Variants in DPYD observed in about 807,000 individuals in gnomAD.
DPYD encodes dihydropyrimidine dehydrogenase.
Under a neutral mutation model 116.2 loss-of-function variants are expected in DPYD, and 109 were observed. The observed-to-expected ratio is 0.94, with a 90% CI of 0.80 to 1.10. DPYD has a LOEUF of 1.10. DPYD is among the 50% of genes least tolerant of loss of function. The pLI, the probability that DPYD is intolerant of heterozygous loss-of-function variation, is 0.00. For missense variants in DPYD, 1,302 were observed against 1,254.5 expected, an observed-to-expected ratio of 1.04 and a Z score of -0.57; for synonymous variants, 440 against 432.0, an observed-to-expected ratio of 1.02 and a Z score of -0.23.
At chr1:97,643,793 T>C (rs1252136491) in intron 8 of DPYD, among the ~76,000 whole-genome samples, 1 of 152,158 alleles carries the variant, frequency 6.6e-6, no homozygotes, top group Non-Finnish European at 1.5e-5. Context: ...GGGACATGGA[T>C]GAAGCTGGAA....
At position 97,216,290 on chromosome 1, in the gene DPYD, A is replaced by ATG. The variant is rs886769929; in HGVS notation, c.2442+18561_2442+18562insCA. ...TAGTTTGAGAGAGCCAAGCTTTCGA[A>ATG]TTTTTTTTTTATTAATACTCAGATA... On this transcript the variant is annotated intron_variant, in intron 19 of 22. Transcript: ENST00000370192. Among the ~76,000 whole-genome samples, 86 of 63,842 alleles carry ATG rather than the reference A, an allele frequency of 1.3e-3. No individual in the cohort carries two copies. The East Asian group carries it at 0.023, about 17-fold the overall frequency. The allele number at this position is 63,842 out of a possible 152,430, so 41.9% of individuals were successfully genotyped here. A position where few individuals can be genotyped will look rare whatever the true frequency, so the allele number is the denominator to read the frequency against.
chr1:97,332,430 T>G (rs1243725177), intron 16 of DPYD, among the ~76,000 whole-genome samples: 2 of 152,214 alleles, frequency 1.3e-5, no homozygotes, highest in African/African-American at 4.8e-5. Context: ...GTAGTAATAT[T>G]AAAGTAGAAC....
At chr1:97,128,509 C>A (rs970006806) in intron 20 of DPYD, among the ~76,000 whole-genome samples, 1 of 152,154 alleles carries the variant, frequency 6.6e-6, no homozygotes. Context: ...CTTTAGTATA[C>A]CCTTATAATA....
chr1:97,882,024 G>GA (rs887342683), intron 2 of DPYD, among the ~76,000 whole-genome samples: 26 of 150,774 alleles, frequency 1.7e-4, no homozygotes, highest in Admixed American at 1.2e-3. Flanking sequence ...ATAAAAAAAA[G>GA]AAAAAAAACT....
chr1:97,843,588 T>C (rs2101541355), intron 2 of DPYD, among the ~76,000 whole-genome samples: 1 of 152,320 alleles, frequency 6.6e-6, no homozygotes, highest in East Asian at 1.9e-4. Context: ...CACTTATTTA[T>C]AGCATTCAAT....
At chr1:97,152,538 A>C (rs966207018) in intron 20 of DPYD, among the ~76,000 whole-genome samples, 1 of 151,398 alleles carries the variant, frequency 6.6e-6, no homozygotes, top group Non-Finnish European at 1.5e-5. Context: ...AAATATATCT[A>C]TTAAATTATA....
At chr1:97,811,698 A>G (rs1217818727) in intron 3 of DPYD, among the ~76,000 whole-genome samples, 1 of 152,144 alleles carries the variant, frequency 6.6e-6, no homozygotes, top group East Asian at 1.9e-4. Flanking sequence ...AAACTATATT[A>G]AAATACATAA....
chr1:97,893,303 C>T (rs1672866791), intron 1 of DPYD, among the ~76,000 whole-genome samples: 2 of 151,120 alleles, frequency 1.3e-5, no homozygotes, highest in South Asian at 2.1e-4. Flanking sequence ...GGTCTCTGAA[C>T]TTATCATTGC....
chr1:97,786,580 G>C (rs1667046290), intron 3 of DPYD, among the ~76,000 whole-genome samples: 1 of 152,156 alleles, frequency 6.6e-6, no homozygotes, highest in Non-Finnish European at 1.5e-5. Flanking sequence ...CACAAGATGA[G>C]GGCCCTACCT....
intron 20 of DPYD, among the ~76,000 whole-genome samples, chr1:97,191,102 A>AC (rs1370164608): frequency 8.2e-5 from 7 of 85,818 alleles, no homozygotes; most frequent in African/African-American, 1.3e-4. Context: ...ACACACACAC[A>AC]AAAGCAGCAG....
chr1:97,822,225 T>C (rs1254456154), intron 3 of DPYD, among the ~76,000 whole-genome samples: 2 of 67,838 alleles, frequency 2.9e-5, no homozygotes, highest in African/African-American at 1.3e-4. Context: ...ATTTTGTTTC[T>C]CTCTCTCTCT....
intron 14 of DPYD, among the ~76,000 whole-genome samples, chr1:97,408,040 T>A (rs1673775050): frequency 6.6e-6 from 1 of 152,138 alleles, no homozygotes; most frequent in Non-Finnish European, 1.5e-5. Flanking sequence ...AGATTATGCA[T>A]GGAATACAGG....
At chr1:97,761,791 GTT>G (rs1665588645) in intron 3 of DPYD, among the ~76,000 whole-genome samples, 1 of 152,110 alleles carries the variant, frequency 6.6e-6, no homozygotes, top group Non-Finnish European at 1.5e-5. Context: ...TTTAAACAGT[GTT>G]ATATATACAC....
chr1:97,499,546 C>T (rs979428050), intron 13 of DPYD, among the ~76,000 whole-genome samples: 1 of 151,742 alleles, frequency 6.6e-6, no homozygotes, highest in Non-Finnish European at 1.5e-5. Context: ...ATATATACAA[C>T]TTCAAATTCT....
chr1:97,678,591 A>G (rs1660269786), intron 8 of DPYD, among the ~76,000 whole-genome samples: 1 of 152,212 alleles, frequency 6.6e-6, no homozygotes, highest in African/African-American at 2.4e-5. Flanking sequence ...AACAGTATAC[A>G]GTGAGTGCCT....
chr1:97,437,137 C>A (rs1046454166), intron 14 of DPYD, among the ~76,000 whole-genome samples: 1 of 151,588 alleles, frequency 6.6e-6, no homozygotes, highest in African/African-American at 2.4e-5. Context: ...ATGAACATAT[C>A]TATTTTGCCA....
chr1:97,753,737 CT>C (rs1285449227), intron 3 of DPYD, among the ~76,000 whole-genome samples: 1 of 151,916 alleles, frequency 6.6e-6, no homozygotes, highest in African/African-American at 2.4e-5. Context: ...TAAGACCAAT[CT>C]TTCCAGTAGA....
intron 8 of DPYD, among the ~76,000 whole-genome samples, chr1:97,647,861 C>A (rs1466332340): frequency 1.3e-5 from 2 of 151,994 alleles, no homozygotes; most frequent in Non-Finnish European, 2.9e-5. Flanking sequence ...AAGTTACTAA[C>A]TGCAGAGTCT....
At chr1:97,573,055 T>A (rs1653008946) in intron 11 of DPYD, among the ~76,000 whole-genome samples, 1 of 151,974 alleles carries the variant, frequency 6.6e-6, no homozygotes, top group Non-Finnish European at 1.5e-5. Context: ...TAATGTGAAT[T>A]AAAAGGTAAA....
Sources: allele counts gnomAD v4.1 joint callset (sites outside exome capture counted in the v4.1 genomes callset), GRCh38; gene constraint gnomAD v4.1.1; transcripts MANE v1.5; gene names NCBI Gene and HGNC (gene_info 2026-07-23, HGNC 2026-07-21).